MALRD1: variants seen among roughly 807,000 people sequenced by gnomAD.
MALRD1 encodes the protein MAM and LDL receptor class A domain containing 1.
In MALRD1, 247 loss-of-function variants were observed where a neutral mutation model predicts 242.1. That is an observed-to-expected ratio of 1.02 (90% confidence interval 0.92 to 1.13). The LOEUF (loss-of-function observed/expected upper bound fraction) is 1.13, where lower values mean the gene tolerates loss of function less well. Ranked by LOEUF, MALRD1 falls within the 50% of genes most tolerant of loss-of-function variation. The probability of loss-of-function intolerance (pLI) is 0.00; values close to 1 mark genes in which losing one functional copy is unlikely to be tolerated. For synonymous variants in MALRD1, 995 were observed against 866.6 expected (o/e 1.15, Z -2.60); for missense variants, 2,989 against 2,533.1 (o/e 1.18, Z -3.86).
intron 13 of MALRD1, among the ~76,000 whole-genome samples, chr10:19,169,475 C>T (rs1834831018): frequency 6.6e-6 from 1 of 152,050 alleles, no homozygotes; most frequent in South Asian, 2.1e-4. Context: ...AAATACAGCT[C>T]AGGATTAACT....
chr10:19,299,062 A>C (rs949628886), intron 21 of MALRD1, among the ~76,000 whole-genome samples: 1 of 151,960 alleles, frequency 6.6e-6, no homozygotes, highest in Non-Finnish European at 1.5e-5. Context: ...GATGTCTACA[A>C]CCGGAAGGAA....
At chr10:19,696,072 T>G (rs1833365302) in intron 38 of MALRD1, among the ~76,000 whole-genome samples, 1 of 152,124 alleles carries the variant, frequency 6.6e-6, no homozygotes, top group Non-Finnish European at 1.5e-5. Flanking sequence ...CTCGTGGCAC[T>G]AATGTTTTAG....
At chr10:19,241,161 A>G (rs1287412240) in intron 18 of MALRD1, among the ~76,000 whole-genome samples, 2 of 152,124 alleles carry the variant, frequency 1.3e-5, no homozygotes, top group African/African-American at 4.8e-5. Context: ...ACTGTTTGGT[A>G]GAATTCAGCA....
At chr10:19,051,061 T>A (rs1834478455) in intron 1 of MALRD1, among the ~76,000 whole-genome samples, 1 of 152,230 alleles carries the variant, frequency 6.6e-6, no homozygotes, top group African/African-American at 2.4e-5. Flanking sequence ...TCATTTTCAT[T>A]TCTGAGAAGT....
intron 14 of MALRD1, among the ~76,000 whole-genome samples, chr10:19,176,261 A>C (rs1835226096): frequency 6.6e-6 from 1 of 152,006 alleles, no homozygotes; most frequent in South Asian, 2.1e-4. Flanking sequence ...CTAATCAAGA[A>C]AAATTTGGGT....
At chr10:19,347,249 T>A (rs1285011845) in intron 24 of MALRD1, among the ~76,000 whole-genome samples, 1 of 152,202 alleles carries the variant, frequency 6.6e-6, no homozygotes, top group African/African-American at 2.4e-5. Context: ...CCTATTTAAT[T>A]TCTGCAACTT....
chr10:19,334,392 T>C (rs1290134665), intron 24 of MALRD1, among the ~76,000 whole-genome samples: 1 of 151,826 alleles, frequency 6.6e-6, no homozygotes, highest in Non-Finnish European at 1.5e-5. Flanking sequence ...CCTATCACTT[T>C]TGTGTATAAC....
At chr10:19,642,450 C>T (rs1352413096) in intron 36 of MALRD1, among the ~76,000 whole-genome samples, 2 of 152,064 alleles carry the variant, frequency 1.3e-5, no homozygotes, top group Non-Finnish European at 2.9e-5. Context: ...GCATAGTTGA[C>T]CCTCTTACAT....
chr10:19,322,680 C>A (rs1842953881), intron 21 of MALRD1, among the ~76,000 whole-genome samples: 1 of 152,118 alleles, frequency 6.6e-6, no homozygotes. Flanking sequence ...ACTTGGACAG[C>A]CACTGGCAAG....
chr10:19,712,302 G>C (rs77352060), intron 38 of MALRD1, among the ~76,000 whole-genome samples: 17 of 152,102 alleles, frequency 1.1e-4, no homozygotes, highest in Non-Finnish European at 2.4e-4. Flanking sequence ...TGTATGCCTA[G>C]AATTTGTTTT....
chr10:19,053,277 T>C (rs957773152), intron 1 of MALRD1, among the ~76,000 whole-genome samples: 2 of 152,194 alleles, frequency 1.3e-5, no homozygotes, highest in African/African-American at 4.8e-5. Context: ...ATTGCTTTTG[T>C]TTTTAAAAAT....
chr10:19,237,631 TAATTATA>T (rs1838403903), intron 18 of MALRD1, among the ~76,000 whole-genome samples: 1 of 64,212 alleles, frequency 1.6e-5, no homozygotes, highest in South Asian at 3.5e-4. Flanking sequence ...TATATAATTA[TAATTATA>T]TATAAATTAT....
At chr10:19,226,449 C>A (rs192617178) in intron 18 of MALRD1, among the ~76,000 whole-genome samples, 1 of 152,090 alleles carries the variant, frequency 6.6e-6, no homozygotes, top group Non-Finnish European at 1.5e-5. Context: ...CTCCCTAGTT[C>A]TTTAAAGTAT....
chr10:19,516,302 A>G (rs1268954614), intron 31 of MALRD1, among the ~76,000 whole-genome samples: 1 of 152,172 alleles, frequency 6.6e-6, no homozygotes, highest in Non-Finnish European at 1.5e-5. Flanking sequence ...TTTTTCAGCC[A>G]ATGTAAGAGA....
At chr10:19,354,777 A>G (rs966086708) in intron 26 of MALRD1, among the ~76,000 whole-genome samples, 3 of 152,220 alleles carry the variant, frequency 2.0e-5, no homozygotes, top group African/African-American at 4.8e-5. Context: ...TAAAAAAATG[A>G]TAAATGTTTG....
At chr10:19,413,060 C>T (rs563381106) in intron 28 of MALRD1, among the ~76,000 whole-genome samples, 328 of 152,104 alleles carry the variant, frequency 2.2e-3, no homozygotes, top group African/African-American at 7.6e-3. Flanking sequence ...TAATAGTTAA[C>T]ATCAATTGTG....
chr10:19,311,591 T>C (rs1842425957), intron 21 of MALRD1, among the ~76,000 whole-genome samples: 1 of 151,490 alleles, frequency 6.6e-6, no homozygotes, highest in Admixed American at 6.6e-5. Context: ...TTAATATTTT[T>C]ATCAATAAAA....
rs185316624 is a variant in MALRD1, at chr10:19,319,776, C to T, written c.3420-4173C>T. Among the ~76,000 whole-genome samples, 239 of 152,038 alleles carry T rather than the reference C, an allele frequency of 1.6e-3. 4 individuals carry two copies. The highest frequency in any genetic ancestry group is 3.4e-3 in the Middle Eastern group (1 of 294). ...CTCATTAAGGTCACTTAATCGACTC[C>T]CCAAAGGCCCTGCGTAATAAGATGA... On this transcript the variant is annotated intron_variant, in intron 21 of 39. Coordinates refer to ENST00000454679, the MANE Select transcript of MALRD1 (RefSeq NM_001142308.3).
intron 21 of MALRD1, among the ~76,000 whole-genome samples, chr10:19,293,726 A>G (rs560224824): frequency 1.6e-4 from 25 of 152,272 alleles, no homozygotes; most frequent in Admixed American, 1.6e-3. Flanking sequence ...GACGCAAAGA[A>G]GGGAACAACA....
Sources: allele counts gnomAD v4.1 joint callset (sites outside exome capture counted in the v4.1 genomes callset), GRCh38; gene constraint gnomAD v4.1.1; transcripts MANE v1.5; gene names NCBI Gene and HGNC (gene_info 2026-07-23, HGNC 2026-07-21).